PRKG1: variants seen among roughly 807,000 people sequenced by gnomAD.
PRKG1 encodes protein kinase cGMP-dependent 1, also known as cGMP-dependent protein kinase 1.
PRKG1 carries 35 observed loss-of-function variants against 88.1 expected under a neutral mutation model. The ratio of observed to expected loss-of-function variants is 0.40; its 90% CI spans 0.30 to 0.53. The LOEUF is 0.53. PRKG1 is among the 20% of genes least tolerant of loss of function. The pLI is 0.59. For synonymous variants in PRKG1, 303 were observed against 292.5 expected (o/e 1.04, Z -0.37); for missense variants, 540 against 839.8 (o/e 0.64, Z 4.41).
intron 3 of PRKG1, among the ~76,000 whole-genome samples, chr10:51,640,387 T>TA (rs113707465): frequency 1.8e-4 from 27 of 152,184 alleles, no homozygotes; most frequent in South Asian, 6.2e-4. Flanking sequence ...CTGATTTTTT[T>TA]AAAAAAAATT....
At chr10:51,720,647 A>G (rs755914502) in intron 3 of PRKG1, among the ~76,000 whole-genome samples, 4 of 152,226 alleles carry the variant, frequency 2.6e-5, no homozygotes, top group Non-Finnish European at 5.9e-5. Flanking sequence ...AACATGTGCA[A>G]CTGGGAAAGC....
At chr10:51,204,537 T>TTG (rs1443333702) in intron 2 of PRKG1, among the ~76,000 whole-genome samples, 1 of 152,160 alleles carries the variant, frequency 6.6e-6, no homozygotes, top group African/African-American at 2.4e-5. Flanking sequence ...CTTTTCATAG[T>TTG]TAGAGAATCT....
chr10:51,781,416 G>T (rs528746197), intron 3 of PRKG1, among the ~76,000 whole-genome samples: 2 of 152,130 alleles, frequency 1.3e-5, no homozygotes, highest in Non-Finnish European at 2.9e-5. Flanking sequence ...TATAGCAAGT[G>T]CAGTTTTAGG....
At chr10:51,371,516 C>T (rs1292636765) in intron 2 of PRKG1, among the ~76,000 whole-genome samples, 1 of 152,066 alleles carries the variant, frequency 6.6e-6, no homozygotes, top group Non-Finnish European at 1.5e-5. Flanking sequence ...TTTAAAAAGA[C>T]ATGTAGTGCT....
rs984489385 is a variant in PRKG1 at position 51,247,060 on chromosome 10, T to C, written c.478+93730T>C. On this transcript the variant is annotated intron_variant, in intron 2 of 17. Transcript: ENST00000373980. The stretch of plus-strand genomic sequence containing the variant: ...ATTCGAAAAGAGAAGGGAAAAGGTA[T>C]GAGAAGGTAAATTGTACAAGAAGAT... Among the ~76,000 whole-genome samples the C allele has an allele frequency of 2.1e-4, 32 of 151,974 alleles. 1 individual carries two copies.
At chr10:51,329,930 CTT>C (rs201514807) in intron 2 of PRKG1, among the ~76,000 whole-genome samples, 12 of 132,032 alleles carry the variant, frequency 9.1e-5, no homozygotes, top group Non-Finnish European at 9.8e-5. Flanking sequence ...TTAGGGAAAT[CTT>C]TTTTTTTTTT....
At chr10:52,063,011 A>G in intron 7 of PRKG1, 1 of 543,504 alleles carries the variant, frequency 1.8e-6, no homozygotes, top group Non-Finnish European at 3.3e-6. Flanking sequence ...TGTTTGTACA[A>G]ACAATTGTTA....
intron 5 of PRKG1, among the ~76,000 whole-genome samples, chr10:51,934,015 G>C (rs748578714): frequency 6.6e-6 from 1 of 152,146 alleles, no homozygotes; most frequent in African/African-American, 2.4e-5. Context: ...TTATTTATGT[G>C]TATAAATACA....
intron 1 of PRKG1, among the ~76,000 whole-genome samples, chr10:51,097,181 A>C (rs1328430086): frequency 5.3e-5 from 8 of 152,116 alleles, no homozygotes; most frequent in Admixed American, 3.3e-4. Flanking sequence ...GTAGGGGTCC[A>C]TATAGGAGGA....
intron 9 of PRKG1, among the ~76,000 whole-genome samples, chr10:52,169,054 A>C (rs1416155911): frequency 6.6e-6 from 1 of 152,152 alleles, no homozygotes; most frequent in Non-Finnish European, 1.5e-5. Flanking sequence ...GAAATTAGAG[A>C]GTGAGAGGAG....
At position 51,153,173 on chromosome 10, in the gene PRKG1, T is replaced by C. The variant is rs201033058; in HGVS notation, c.321T>C (p.Asp107=). The C allele has an allele frequency of 1.3e-4, 207 of 1,611,534 alleles. No homozygotes were observed. Among genetic ancestry groups the C allele is most frequent in the South Asian group, 7.5e-4 (68 of 90,940 alleles). The part of the protein sequence containing the change: ...PFYPKSPQSK[D]LIKEAILDND... ...CCCTCTCTTGCCATAGGTCCAAGGA[T>C]CTTATAAAGGAAGCTATCCTTGACA... The change falls in exon 2 of 18, where the codon GAT becomes GAC. Residue 107 remains aspartate, a synonymous_variant. Coordinates refer to ENST00000373980, the MANE Select transcript of PRKG1 (RefSeq NM_006258.4).
At chr10:52,075,111 G>A (rs776819066) in intron 7 of PRKG1, among the ~76,000 whole-genome samples, 68 of 151,994 alleles carry the variant, frequency 4.5e-4, no homozygotes, top group East Asian at 9.6e-4. Context: ...ATAAATAATC[G>A]TATAGGTACT....
At position 51,029,927 on chromosome 10, in the gene PRKG1, G is replaced by A. The variant is rs1434879489; in HGVS notation, c.266+38283G>A. ...CTCATGTGGGGAAGATTATGATTGC[G>A]ATAATAATAATAATTAAATCTATCT... On this transcript the variant is annotated intron_variant, in intron 1 of 17. Coordinates refer to the PRKG1 transcript ENST00000401604. Among the ~76,000 whole-genome samples, 6 of 152,106 alleles carry A rather than the reference G, an allele frequency of 3.9e-5. No individual in the cohort carries two copies. The East Asian group carries it at 5.8e-4, about 15-fold the overall frequency.
intron 3 of PRKG1, among the ~76,000 whole-genome samples, chr10:51,590,115 A>G (rs898704384): frequency 3.3e-4 from 50 of 152,172 alleles, no homozygotes; most frequent in African/African-American, 9.2e-4. Context: ...TTTCTCTTCA[A>G]TGATGGTCAG....
intron 7 of PRKG1, among the ~76,000 whole-genome samples, chr10:52,078,829 G>A (rs1846697286): frequency 6.6e-6 from 1 of 152,158 alleles, no homozygotes; most frequent in Admixed American, 6.5e-5. Flanking sequence ...ATTTAAAGTA[G>A]CAAGACTATA....
At chr10:51,115,370 A>G (rs1354606552) in intron 1 of PRKG1, among the ~76,000 whole-genome samples, 1 of 18,346 alleles carries the variant, frequency 5.5e-5, no homozygotes, top group African/African-American at 1.1e-4. Flanking sequence ...TGTTCCTTTA[A>G]ACATATATAT....
intron 2 of PRKG1, among the ~76,000 whole-genome samples, chr10:51,250,453 A>T (rs1003978741): frequency 5.9e-5 from 9 of 151,644 alleles, no homozygotes; most frequent in Non-Finnish European, 8.9e-5. Context: ...AAAAGCAAAG[A>T]CCTTTCATGG....
rs577825161 is a variant in PRKG1 at position 51,962,620 on chromosome 10, C to A, written c.762+55050C>A. Among the ~76,000 whole-genome samples the A allele has an allele frequency of 3.9e-5, 6 of 152,176 alleles. No individual in the cohort carries two copies. In the South Asian group the frequency reaches 8.3e-4, roughly 21 times the overall value. On this transcript the variant is annotated intron_variant, in intron 5 of 17. Transcript: ENST00000373980. ...AAATTTGGAGTTCACCAGGGATAAT[C>A]CTGCTTTTTTTTCCTGACTCTTTCC...
intron 4 of PRKG1, among the ~76,000 whole-genome samples, chr10:51,818,960 T>A (rs1589317052): frequency 1.3e-5 from 1 of 76,100 alleles, no homozygotes; most frequent in African/African-American, 1.2e-4. Flanking sequence ...TGAGCCGAGA[T>A]CCCGCCACTG....
Sources: allele counts gnomAD v4.1 joint callset (sites outside exome capture counted in the v4.1 genomes callset), GRCh38; gene constraint gnomAD v4.1.1; transcripts MANE v1.5; gene names NCBI Gene and HGNC (gene_info 2026-07-23, HGNC 2026-07-21).